Variants in UIMC1 observed in about 807,000 individuals in gnomAD.
UIMC1 encodes BRCA1-A complex subunit RAP80.
Under a neutral mutation model 84.9 loss-of-function variants are expected in UIMC1, and 42 were observed. The ratio of observed to expected loss-of-function variants is 0.49; its 90% confidence interval spans 0.39 to 0.64. UIMC1 has a LOEUF of 0.64. UIMC1 is among the 30% of genes least tolerant of loss of function. The probability of loss-of-function intolerance (pLI) is 0.00; values close to 1 mark genes in which losing one functional copy is unlikely to be tolerated. For synonymous variants in UIMC1, 281 were observed against 293.0 expected, an observed-to-expected ratio of 0.96 and a Z score of 0.42; for missense variants, 825 against 847.6, an observed-to-expected ratio of 0.97 and a Z score of 0.33.
chr5:176,998,682 G>A (rs893900195), intron 1 of UIMC1, among the ~76,000 whole-genome samples: 2 of 151,894 alleles, frequency 1.3e-5, no homozygotes, highest in Non-Finnish European at 2.9e-5. Flanking sequence ...CAGGAGAATC[G>A]CTTGAACCCG....
Position 176,905,010 on chromosome 5 carries a change from A to C in UIMC1, c.*272T>G. On this transcript the variant is annotated 3_prime_UTR_variant, in exon 15 of 15. Coordinates refer to ENST00000511320, the MANE Select transcript of UIMC1 (RefSeq NM_001199298.2). ...GCAACATGAAGGAAAAAAAAATTAA[A>C]ATTTCCATCTATTGAAATAAGATTT... 1 of 310,506 alleles carries C rather than the reference A, an allele frequency of 3.2e-6. No individual in the cohort carries two copies. The highest frequency in any genetic ancestry group is 6.0e-6 in the Non-Finnish European group (1 of 167,334). The allele number at this position is 310,506 out of a possible 1,614,324, so 19.2% of individuals were successfully genotyped here.
At chr5:176,979,179 G>C (rs1770616069) in intron 2 of UIMC1, among the ~76,000 whole-genome samples, 1 of 152,172 alleles carries the variant, frequency 6.6e-6, no homozygotes, top group Non-Finnish European at 1.5e-5. Flanking sequence ...GGAATGGAGA[G>C]ATTATTGGAA....
intron 8 of UIMC1, 21 bp downstream of exon 8, chr5:176,955,938 A>C (rs1408771172): frequency 1.8e-5 from 29 of 1,609,538 alleles, no homozygotes; most frequent in Non-Finnish European, 2.4e-5. Context: ...AAATTCAGTA[A>C]AATCACAGTG....
chr5:177,007,461 G>A (rs1775404233), upstream of UIMC1, among the ~76,000 whole-genome samples: 1 of 151,482 alleles, frequency 6.6e-6, no homozygotes, highest in Non-Finnish European at 1.5e-5. Context: ...CAGCAGAAAT[G>A]TCCAATAAGT....
At chr5:177,013,548 A>G (rs1775605649) in intron 1 of UIMC1, among the ~76,000 whole-genome samples, 1 of 152,214 alleles carries the variant, frequency 6.6e-6, no homozygotes, top group Admixed American at 6.6e-5. Flanking sequence ...GCTACACAAC[A>G]TGAATCATGC....
intron 7 of UIMC1, 145 bp downstream of exon 7, chr5:176,957,948 C>A: frequency 1.8e-6 from 1 of 553,426 alleles, no homozygotes. Context: ...CTTAGAGATA[C>A]TAATAAAATT....
At chr5:176,973,130 G>A (rs528458344) in intron 3 of UIMC1, among the ~76,000 whole-genome samples, 137 of 151,960 alleles carry the variant, frequency 9.0e-4, no homozygotes, top group African/African-American at 3.2e-3. Flanking sequence ...TGGCCAGGCT[G>A]GTCTCAAACT....
intron 2 of UIMC1, chr5:176,980,143 C>A (rs2149500338): frequency 6.6e-6 from 1 of 152,426 alleles, no homozygotes; most frequent in Admixed American, 6.5e-5. Flanking sequence ...GGCCTTCAGA[C>A]TTCCACTGAG....
At chr5:177,021,797 A>G (rs1043585770) in intron 1 of UIMC1, among the ~76,000 whole-genome samples, 2 of 152,214 alleles carry the variant, frequency 1.3e-5, no homozygotes, top group African/African-American at 4.8e-5. Context: ...GATTACAGGC[A>G]TGTGCCACCA....
chr5:176,974,985 G>A (rs1459317406), intron 3 of UIMC1, among the ~76,000 whole-genome samples: 1 of 151,536 alleles, frequency 6.6e-6, no homozygotes, highest in Non-Finnish European at 1.5e-5. Flanking sequence ...AGGACCCTGT[G>A]TTAAAAAAAA....
At chr5:176,950,691 G>A (rs1037207007) in intron 9 of UIMC1, among the ~76,000 whole-genome samples, 3 of 151,676 alleles carry the variant, frequency 2.0e-5, no homozygotes, top group South Asian at 2.1e-4. Context: ...CCAACGTGGT[G>A]AAACCCCGTC....
chr5:176,970,900 A>C, intron 3 of UIMC1, 34 bp from the exon 4 acceptor site: 6 of 1,606,108 alleles, frequency 3.7e-6, no homozygotes, highest in South Asian at 1.1e-5. Flanking sequence ...AAGGAGGAAC[A>C]CCACAAACAC....
chr5:177,004,385 A>G (rs1343972587), intron 1 of UIMC1, among the ~76,000 whole-genome samples: 2 of 152,312 alleles, frequency 1.3e-5, no homozygotes, highest in Middle Eastern at 3.4e-3. Flanking sequence ...AACGTAAATA[A>G]GAAAGGTCCC....
At chr5:176,970,575 G>T (rs1769057422) in intron 4 of UIMC1, 167 bp downstream of exon 4, 1 of 1,052,638 alleles carries the variant, frequency 9.5e-7, no homozygotes, top group Non-Finnish European at 1.4e-6. Context: ...CTTTAAATTG[G>T]GTTAACCAAC....
chr5:176,957,445 A>G (rs1766743361), intron 7 of UIMC1, among the ~76,000 whole-genome samples: 1 of 152,250 alleles, frequency 6.6e-6, no homozygotes, highest in Admixed American at 6.5e-5. Context: ...GCTATCTATT[A>G]TTAAAGTAAG....
chr5:176,981,551 A>G (rs1771058083), intron 2 of UIMC1, among the ~76,000 whole-genome samples: 2 of 152,142 alleles, frequency 1.3e-5, no homozygotes, highest in South Asian at 4.1e-4. Flanking sequence ...CTGTAACCCC[A>G]GCACCTCAGG....
At chr5:177,001,775 T>TGAA (rs1323605129) in intron 1 of UIMC1, among the ~76,000 whole-genome samples, 1 of 124,362 alleles carries the variant, frequency 8.0e-6, no homozygotes, top group African/African-American at 3.0e-5. Flanking sequence ...CCGGCTCTAC[T>TGAA]AAAAAAAAAA....
chr5:176,940,717 C>T lies in UIMC1; in HGVS notation c.1597+2618G>A, dbSNP rs575249629. Reference sequence around the variant, plus strand: ...TTCATTGTCTTTAGGGACTACAATGCTATGCATAGAGACCCTTAAAAAAAA... The same window carrying T: ...TTCATTGTCTTTAGGGACTACAATGTTATGCATAGAGACCCTTAAAAAAAA... On this transcript the variant is annotated intron_variant, in intron 10 of 14. Coordinates refer to ENST00000511320, the MANE Select transcript of UIMC1 (RefSeq NM_001199298.2). Among the ~76,000 whole-genome samples the T allele has an allele frequency of 1.6e-4, 24 of 152,218 alleles. No individual in the cohort carries two copies. The South Asian group carries it at 3.7e-3, about 24-fold the overall frequency.
intron 6 of UIMC1, among the ~76,000 whole-genome samples, chr5:176,964,232 G>C (rs1433555812): frequency 6.6e-6 from 1 of 152,154 alleles, no homozygotes; most frequent in Non-Finnish European, 1.5e-5. Context: ...GCAAAAGATT[G>C]AGAGGTAAAA....
Sources: allele counts gnomAD v4.1 joint callset (sites outside exome capture counted in the v4.1 genomes callset), GRCh38; gene constraint gnomAD v4.1.1; transcripts MANE v1.5; gene names NCBI Gene and HGNC (gene_info 2026-07-23, HGNC 2026-07-21).